IGSF11: variants seen among roughly 807,000 people sequenced by gnomAD.
IGSF11 encodes the protein CXADR like 1.
In IGSF11, 22 loss-of-function variants were observed where a neutral mutation model predicts 41.0. That is an observed-to-expected ratio of 0.54 (90% CI 0.38 to 0.77). The LOEUF is 0.77. IGSF11 is among the 30% of genes least tolerant of loss of function. The probability of loss-of-function intolerance (pLI) is 0.00; values close to 1 mark genes in which losing one functional copy is unlikely to be tolerated. For missense variants in IGSF11, 444 were observed against 530.8 expected, an observed-to-expected ratio of 0.84 and a Z score of 1.61; for synonymous variants, 219 against 201.3, an observed-to-expected ratio of 1.09 and a Z score of -0.74.
At chr3:119,145,218 A>G (rs952946950) in intron 1 of IGSF11, among the ~76,000 whole-genome samples, 1 of 152,204 alleles carries the variant, frequency 6.6e-6, no homozygotes, top group Non-Finnish European at 1.5e-5. Context: ...TTAAATCCCT[A>G]CTAAAGGAAT....
intron 1 of IGSF11, among the ~76,000 whole-genome samples, chr3:119,007,132 A>C: frequency 7.5e-6 from 1 of 132,604 alleles, no homozygotes; most frequent in Admixed American, 7.5e-5. Flanking sequence ...TGGGCGTAGG[A>C]CCCTCCGAGC....
intron 1 of IGSF11, among the ~76,000 whole-genome samples, chr3:119,007,744 G>GT (rs1937604812): frequency 6.6e-6 from 1 of 152,058 alleles, no homozygotes; most frequent in Non-Finnish European, 1.5e-5. Context: ...GACATTTCAA[G>GT]TTTTCCCTTT....
At chr3:118,913,307 A>C (rs2107491777) in intron 4 of IGSF11, among the ~76,000 whole-genome samples, 1 of 152,272 alleles carries the variant, frequency 6.6e-6, no homozygotes, top group African/African-American at 2.4e-5. Flanking sequence ...CAAAAAATAC[A>C]ATCTCTCAAT....
Position 118,902,516 on chromosome 3 carries a change from T to C in IGSF11, c.*4A>G, listed in dbSNP as rs749928917. 5.9e-6 allele frequency: 8 copies of C among 1,349,426 alleles called. No individual in the cohort carries two copies. The highest frequency in any genetic ancestry group is 7.9e-6 in the Non-Finnish European group (8 of 1,011,972). The allele number at this position is 1,349,426 out of a possible 1,614,324, so 83.6% of individuals were successfully genotyped here. On this transcript the variant is annotated 3_prime_UTR_variant, in exon 7 of 7. Coordinates refer to ENST00000393775, the MANE Select transcript of IGSF11 (RefSeq NM_001015887.3). ...CATTTCTGAACACAACATTTCCTCA[T>C]GTCCTATACCAAGGACCCGGCCCGA...
intron 1 of IGSF11, among the ~76,000 whole-genome samples, chr3:119,133,375 T>C (rs930681577): frequency 6.6e-6 from 1 of 152,108 alleles, no homozygotes; most frequent in Non-Finnish European, 1.5e-5. Context: ...CAATAAAAAA[T>C]GATAAAGGGG....
At chr3:119,002,224 G>A (rs1295782372) in intron 1 of IGSF11, among the ~76,000 whole-genome samples, 19 of 137,162 alleles carry the variant, frequency 1.4e-4, no homozygotes, top group African/African-American at 5.1e-4. Flanking sequence ...GATGGCCAGT[G>A]ATGATGAGCA....
intron 1 of IGSF11, among the ~76,000 whole-genome samples, chr3:119,023,535 G>A (rs550044583): frequency 6.6e-6 from 1 of 152,094 alleles, no homozygotes; most frequent in South Asian, 2.1e-4. Flanking sequence ...ATATGCACAT[G>A]TACGCACCCC....
chr3:118,925,838 T>C (rs1942239679), intron 4 of IGSF11: 1 of 216,044 alleles, frequency 4.6e-6, no homozygotes, highest in East Asian at 9.4e-5. Context: ...GAAGCTATCA[T>C]TTAGGTGCTT....
chr3:118,957,908 C>A (rs535998195), intron 1 of IGSF11, among the ~76,000 whole-genome samples: 16 of 152,312 alleles, frequency 1.1e-4, no homozygotes, highest in Middle Eastern at 3.4e-3. Context: ...CAAACTTCTA[C>A]CTTTCTTACC....
chr3:119,005,936 T>C (rs1049965006), intron 1 of IGSF11, among the ~76,000 whole-genome samples: 3 of 138,374 alleles, frequency 2.2e-5, no homozygotes, highest in African/African-American at 6.1e-5. Flanking sequence ...CTGACAATTA[T>C]GTGTCTTGGA....
At chr3:119,017,742 G>A (rs1009816110) in intron 1 of IGSF11, among the ~76,000 whole-genome samples, 1 of 149,228 alleles carries the variant, frequency 6.7e-6, no homozygotes, top group African/African-American at 2.5e-5. Context: ...TATAAACTCA[G>A]TGGAGGCAAG....
intron 1 of IGSF11, among the ~76,000 whole-genome samples, chr3:119,047,827 C>A (rs916538166): frequency 1.3e-5 from 2 of 152,030 alleles, no homozygotes; most frequent in Non-Finnish European, 2.9e-5. Flanking sequence ...CAAACTAGAA[C>A]TCAGGATTAA....
intron 1 of IGSF11, among the ~76,000 whole-genome samples, chr3:119,100,064 G>A (rs1365466795): frequency 6.6e-6 from 1 of 152,140 alleles, no homozygotes; most frequent in African/African-American, 2.4e-5. Context: ...AGAGCTTCAT[G>A]CAACTTAAAA....
chr3:119,003,501 C>A (rs1225136384), intron 1 of IGSF11, among the ~76,000 whole-genome samples: 1 of 150,958 alleles, frequency 6.6e-6, no homozygotes, highest in Non-Finnish European at 1.5e-5. Context: ...CCAGAACTTC[C>A]AACACTATGT....
chr3:119,084,123 T>C (rs1443507231), intron 1 of IGSF11, among the ~76,000 whole-genome samples: 4 of 152,102 alleles, frequency 2.6e-5, no homozygotes, highest in Admixed American at 6.5e-5. Context: ...GGGGGCAAGA[T>C]GGACAACTAG....
At position 119,009,567 on chromosome 3, in the gene IGSF11, TAA is replaced by T. The variant is rs1176298218; in HGVS notation, c.52+24962_52+24963del. 1.2e-4 allele frequency among the ~76,000 whole-genome samples: 18 copies of T among 152,202 alleles called. 1 individual carries two copies. Among genetic ancestry groups the T allele is most frequent in the Admixed American group, 9.8e-4 (15 of 15,280 alleles). ...TTTCCCTCACCTTCCACCATGACTA[TAA>T]GTTTCCTGAGGCCTCCCAAGCAATG... is the stretch of plus-strand genomic sequence containing the variant. On this transcript the variant is annotated intron_variant, in intron 1 of 6. Coordinates refer to ENST00000393775, the MANE Select transcript of IGSF11 (RefSeq NM_001015887.3).
intron 1 of IGSF11, among the ~76,000 whole-genome samples, chr3:118,946,763 T>C (rs1036427353): frequency 6.6e-6 from 1 of 152,210 alleles, no homozygotes; most frequent in Non-Finnish European, 1.5e-5. Context: ...GGCACAACGC[T>C]CCCTACTCTG....
At chr3:119,026,734 C>T (rs546888765) in intron 1 of IGSF11, among the ~76,000 whole-genome samples, 2 of 152,314 alleles carry the variant, frequency 1.3e-5, no homozygotes, top group East Asian at 1.9e-4. Context: ...ATGCTGCATA[C>T]TGAAGCAAAA....
intron 1 of IGSF11, among the ~76,000 whole-genome samples, chr3:119,033,291 CTCT>C (rs1940593426): frequency 1.3e-5 from 2 of 152,164 alleles, no homozygotes; most frequent in African/African-American, 2.4e-5. Context: ...CCGATTTACT[CTCT>C]TATTTCACAC....
Sources: allele counts gnomAD v4.1 joint callset (sites outside exome capture counted in the v4.1 genomes callset), GRCh38; gene constraint gnomAD v4.1.1; transcripts MANE v1.5; gene names NCBI Gene and HGNC (gene_info 2026-07-23, HGNC 2026-07-21).